VPS13B: variants seen among roughly 807,000 people sequenced by gnomAD.
VPS13B encodes intermembrane lipid transfer protein VPS13B.
Under a neutral mutation model 426.4 loss-of-function variants are expected in VPS13B, and 285 were observed. The observed-to-expected ratio is 0.67, with a 90% CI of 0.61 to 0.74. The LOEUF (loss-of-function observed/expected upper bound fraction) is 0.74, where lower values mean the gene tolerates loss of function less well. VPS13B is among the 30% of genes least tolerant of loss of function. VPS13B has a pLI of 0.00. For synonymous variants in VPS13B, 1,676 were observed against 1,676.4 expected (o/e 1.00, Z 0.01); for missense variants, 4,537 against 4,782.6 (o/e 0.95, Z 1.51).
intron 33 of VPS13B, among the ~76,000 whole-genome samples, chr8:99,585,050 A>C (rs1169017527): frequency 2.0e-5 from 3 of 152,210 alleles, no homozygotes; most frequent in Non-Finnish European, 4.4e-5. Context: ...GTTGTTAGAG[A>C]AGAGAAGCAG....
intron 2 of VPS13B, among the ~76,000 whole-genome samples, chr8:99,016,114 C>A (rs1391202993): frequency 6.6e-6 from 1 of 152,234 alleles, no homozygotes; most frequent in Non-Finnish European, 1.5e-5. Flanking sequence ...AAAGATTCCA[C>A]AATTTACTTA....
intron 54 of VPS13B, among the ~76,000 whole-genome samples, chr8:99,844,397 C>A (rs543181395): frequency 7.0e-6 from 1 of 143,818 alleles, no homozygotes; most frequent in African/African-American, 2.6e-5. Context: ...GAGTTTCACT[C>A]TTGTTGCTCA....
chr8:99,359,461 A>G (rs544267856), intron 19 of VPS13B, among the ~76,000 whole-genome samples: 4 of 152,334 alleles, frequency 2.6e-5, no homozygotes, highest in African/African-American at 9.6e-5. Context: ...ATGAACATAA[A>G]GGCTAAGAAT....
intron 23 of VPS13B, among the ~76,000 whole-genome samples, chr8:99,445,707 T>G (rs1817883038): frequency 1.3e-5 from 2 of 152,104 alleles, no homozygotes; most frequent in Non-Finnish European, 1.5e-5. Context: ...TATTTAATGA[T>G]GTAGTAAATC....
At chr8:99,158,752 C>A (rs150827520) in intron 15 of VPS13B, among the ~76,000 whole-genome samples, 1 of 152,136 alleles carries the variant, frequency 6.6e-6, no homozygotes, top group African/African-American at 2.4e-5. Flanking sequence ...AGACTCCTCT[C>A]AAAATATTAG....
In VPS13B at chr8:99,313,334, A is replaced by C. The variant is rs57070412; in HGVS notation, c.2824+38080A>C. 9.0e-3 allele frequency among the ~76,000 whole-genome samples: 1,373 copies of C among 152,206 alleles called. 23 individuals carry two copies. The highest frequency in any genetic ancestry group is 0.031 in the African/African-American group (1,293 of 41,524). ...TTGGTCTTTGATGATGGTGATGTAC[A>C]TATGGGGTTTTGGTGTGGATGTCCT... On this transcript the variant is annotated intron_variant, in intron 19 of 61. Transcript: ENST00000357162.
At chr8:99,512,586 T>G (rs938192241) in intron 29 of VPS13B, among the ~76,000 whole-genome samples, 1 of 152,186 alleles carries the variant, frequency 6.6e-6, no homozygotes, top group African/African-American at 2.4e-5. Flanking sequence ...TTGGGGAGAT[T>G]GTCAAACTGT....
chr8:99,851,604 A>G (rs898133041), intron 55 of VPS13B, among the ~76,000 whole-genome samples: 1 of 152,096 alleles, frequency 6.6e-6, no homozygotes, highest in African/African-American at 2.4e-5. Flanking sequence ...TAATGTGACT[A>G]TCTGAAGGAA....
intron 35 of VPS13B, among the ~76,000 whole-genome samples, chr8:99,686,624 C>T (rs976545977): frequency 1.3e-5 from 2 of 152,004 alleles, no homozygotes; most frequent in African/African-American, 4.8e-5. Flanking sequence ...GAGTCTCTCC[C>T]CATGGCCACC....
At chr8:99,673,631 T>G (rs1357143632) in intron 35 of VPS13B, among the ~76,000 whole-genome samples, 3 of 151,946 alleles carry the variant, frequency 2.0e-5, no homozygotes. Flanking sequence ...TTTATTTCCC[T>G]CCTTCTACTA....
intron 19 of VPS13B, among the ~76,000 whole-genome samples, chr8:99,367,528 A>G (rs540387459): frequency 4.6e-5 from 7 of 152,116 alleles, no homozygotes; most frequent in Non-Finnish European, 1.0e-4. Flanking sequence ...CTGAATATTG[A>G]TATCTTACTC....
Position 99,275,230 on chromosome 8 carries a change from T to C in VPS13B, c.2800T>C (p.Tyr934His), listed in dbSNP as rs1679704470. Reference sequence around the variant, plus strand: ...GGCCTTCACAATCCAAGTTCCACAATATATTGACTACTGCCACAATTCCGG... The same window carrying C: ...GGCCTTCACAATCCAAGTTCCACAACATATTGACTACTGCCACAATTCCGG... ...LMAFTIQVPQYIDYCHNSGAV... is the reference protein window; with the variant it reads ...LMAFTIQVPQHIDYCHNSGAV... The change falls in exon 19 of 62, where the codon TAT becomes CAT. Residue 934 changes from tyrosine (Y) to histidine (H), a missense_variant. Tyr to His is a moderately conservative substitution (Grantham distance 83, BLOSUM62 2). This residue lies in a region of VPS13B where 4,311 missense variants were observed against 4,474.3 expected (regional missense o/e 0.96). Coordinates refer to ENST00000357162, the MANE Select transcript of VPS13B (RefSeq NM_152564.5). 1.9e-6 allele frequency: 3 copies of C among 1,611,046 alleles called. No homozygotes were observed. The highest frequency in any genetic ancestry group is 1.7e-6 in the Non-Finnish European group (2 of 1,178,706).
chr8:99,142,828 TCAG>T, intron 12 of VPS13B, 143 bp from the exon 13 acceptor site: 2 of 705,674 alleles, frequency 2.8e-6, no homozygotes, highest in Non-Finnish European at 4.5e-6. Flanking sequence ...GAAATACAAA[TCAG>T]CAGGGCTCTC....
chr8:99,411,248 G>A (rs1021433095), intron 21 of VPS13B, among the ~76,000 whole-genome samples: 4 of 151,918 alleles, frequency 2.6e-5, no homozygotes, highest in Non-Finnish European at 2.9e-5. Context: ...TTTAATAATC[G>A]CCATTCTAAC....
At chr8:99,648,452 A>C (rs935877958) in intron 34 of VPS13B, among the ~76,000 whole-genome samples, 1 of 152,204 alleles carries the variant, frequency 6.6e-6, no homozygotes, top group African/African-American at 2.4e-5. Context: ...ATTTTTTATT[A>C]GTTGTATATT....
intron 19 of VPS13B, among the ~76,000 whole-genome samples, chr8:99,304,190 C>G (rs1820519720): frequency 6.6e-6 from 1 of 152,004 alleles, no homozygotes; most frequent in Non-Finnish European, 1.5e-5. Context: ...GTAATTAAAG[C>G]ATTTAGAATA....
At chr8:99,585,400 A>T (rs778968966) in intron 33 of VPS13B, among the ~76,000 whole-genome samples, 3 of 152,186 alleles carry the variant, frequency 2.0e-5, no homozygotes, top group Non-Finnish European at 4.4e-5. Context: ...AAAACTGCAG[A>T]CTAATACCTC....
chr8:99,666,269 A>G (rs1830481318), intron 35 of VPS13B, among the ~76,000 whole-genome samples: 1 of 152,166 alleles, frequency 6.6e-6, no homozygotes, highest in South Asian at 2.1e-4. Context: ...AACTATTCCA[A>G]TCAGTAGAAA....
chr8:99,029,137 A>G (rs1842355429), intron 2 of VPS13B, among the ~76,000 whole-genome samples: 4 of 140,852 alleles, frequency 2.8e-5, no homozygotes, highest in Admixed American at 2.8e-4. Context: ...CACATCCCAG[A>G]CAGGGCGGCG....
Sources: gnomAD v4.1 joint callset for allele counts (sites outside exome capture counted in the v4.1 genomes callset) on GRCh38, gnomAD v4.1.1 for gene constraint, gnomAD v4.1.1 regional missense constraint, MANE v1.5 for transcripts, NCBI Gene and HGNC (gene_info 2026-07-23, HGNC 2026-07-21) for gene names.